HPGDS: variants seen among roughly 807,000 people sequenced by gnomAD.
The protein encoded by HPGDS is hematopoietic prostaglandin D synthase.
HPGDS carries 26 observed loss-of-function variants against 23.1 expected under a neutral mutation model. That is an observed-to-expected ratio of 1.13 (90% CI 0.83 to 1.56). HPGDS has a LOEUF of 1.56. Ranked by LOEUF, HPGDS falls within the 40% of genes most tolerant of loss-of-function variation. HPGDS has a pLI of 0.00. For missense variants in HPGDS, 268 were observed against 236.4 expected, an observed-to-expected ratio of 1.13 and a Z score of -0.88; for synonymous variants, 95 against 77.9, an observed-to-expected ratio of 1.22 and a Z score of -1.16.
intron 1 of HPGDS, among the ~76,000 whole-genome samples, chr4:94,335,652 A>G (rs115615750): frequency 6.6e-6 from 1 of 152,304 alleles, no homozygotes; most frequent in Non-Finnish European, 1.5e-5. Flanking sequence ...CACAATGGCA[A>G]ACTTAATCAT....
At chr4:94,322,599 G>A (rs1034684674) in intron 2 of HPGDS, among the ~76,000 whole-genome samples, 20 of 151,510 alleles carry the variant, frequency 1.3e-4, no homozygotes, top group Non-Finnish European at 2.5e-4. Flanking sequence ...CTGTGGGATC[G>A]GTGGTGATAT....
intron 5 of HPGDS, among the ~76,000 whole-genome samples, chr4:94,300,554 G>A (rs1756020090): frequency 6.6e-6 from 1 of 152,148 alleles, no homozygotes; most frequent in Admixed American, 6.5e-5. Context: ...CTACTGGCTG[G>A]AAGACTCAGA....
In HPGDS at chr4:94,301,278, T is replaced by C. The variant is rs546449399; in HGVS notation, c.435+868A>G. On this transcript the variant is annotated intron_variant, in intron 5 of 5. Coordinates refer to ENST00000295256, the MANE Select transcript of HPGDS (RefSeq NM_014485.3). ...CCACCTACCACAACTTGTAATCAGGTTTAGATTTGAATTTTTTGGCAAGAC... is the reference window on the plus strand; with the variant it reads ...CCACCTACCACAACTTGTAATCAGGCTTAGATTTGAATTTTTTGGCAAGAC... Among the ~76,000 whole-genome samples the C allele has an allele frequency of 5.1e-4, 77 of 152,238 alleles. 1 individual carries two copies. The highest frequency in any genetic ancestry group is 1.8e-3 in the African/African-American group (73 of 41,540).
At chr4:94,318,876 A>G (rs374213460) in intron 2 of HPGDS, among the ~76,000 whole-genome samples, 7 of 152,144 alleles carry the variant, frequency 4.6e-5, no homozygotes, top group African/African-American at 1.7e-4. Flanking sequence ...CCACACCCAG[A>G]TAAGTTTTGT....
chr4:94,323,528 ATC>A (rs1756561361), intron 2 of HPGDS, among the ~76,000 whole-genome samples: 1 of 151,894 alleles, frequency 6.6e-6, no homozygotes, highest in Non-Finnish European at 1.5e-5. Flanking sequence ...GGCCTTCTTT[ATC>A]TCTTTTGATT....
At chr4:94,315,793 T>C (rs1756385270) in intron 3 of HPGDS, among the ~76,000 whole-genome samples, 1 of 152,260 alleles carries the variant, frequency 6.6e-6, no homozygotes, top group African/African-American at 2.4e-5. Flanking sequence ...TATTCGTCTT[T>C]CTGACCTTGA....
At chr4:94,317,793 A>G (rs1756426510) in intron 3 of HPGDS, 80 bp downstream of exon 3, 2 of 814,684 alleles carry the variant, frequency 2.5e-6, no homozygotes, top group South Asian at 1.6e-5. Flanking sequence ...ATGCTATGCT[A>G]AAGTCATTTA....
intron 1 of HPGDS, among the ~76,000 whole-genome samples, chr4:94,339,534 A>G (rs724260): frequency 0.55 from 83,936 of 152,056 alleles, 23,796 homozygotes; most frequent in Non-Finnish European, 0.62. Context: ...ACCCTGGATA[A>G]AAACTTAGAC....
chr4:94,332,968 G>C (rs1005873195), intron 2 of HPGDS, among the ~76,000 whole-genome samples: 1 of 152,074 alleles, frequency 6.6e-6, no homozygotes, highest in Non-Finnish European at 1.5e-5. Flanking sequence ...AAGTACTTCA[G>C]TGTTATTAAA....
At chr4:94,319,130 G>A (rs1756453745) in intron 2 of HPGDS, among the ~76,000 whole-genome samples, 1 of 152,172 alleles carries the variant, frequency 6.6e-6, no homozygotes, top group African/African-American at 2.4e-5. Context: ...TGACAGGGAA[G>A]TGTTGACATC....
chr4:94,331,999 T>C (rs1184706022), intron 2 of HPGDS, among the ~76,000 whole-genome samples: 1 of 152,098 alleles, frequency 6.6e-6, no homozygotes. Flanking sequence ...AATAATGCTT[T>C]TTTACCAATT....
intron 2 of HPGDS, among the ~76,000 whole-genome samples, chr4:94,333,224 C>T (rs1756763765): frequency 6.6e-6 from 1 of 152,148 alleles, no homozygotes; most frequent in African/African-American, 2.4e-5. Context: ...CCTGTTCTTT[C>T]CTTTCTTCTT....
Position 94,299,660 on chromosome 4 carries a change from C to G in HPGDS, c.436-16G>C. On this transcript the variant is annotated splice_polypyrimidine_tract_variant and intron_variant, in intron 5 of 5. Transcript: ENST00000295256. Reference sequence around the variant, plus strand: ...CCCAAGTTACCTAGTTTAAAGGAAACAAACTTTTCATTTGAACATAGAAAG... The same window carrying G: ...CCCAAGTTACCTAGTTTAAAGGAAAGAAACTTTTCATTTGAACATAGAAAG... 2 of 1,604,432 alleles carry G rather than the reference C, an allele frequency of 1.2e-6. No individual in the cohort carries two copies. The highest frequency in any genetic ancestry group is 8.5e-7 in the Non-Finnish European group (1 of 1,173,800).
chr4:94,337,942 G>A (rs1291967114), intron 1 of HPGDS, among the ~76,000 whole-genome samples: 1 of 152,150 alleles, frequency 6.6e-6, no homozygotes, highest in African/African-American at 2.4e-5. Flanking sequence ...TTTGGCAGAG[G>A]CCCAATAGCA....
chr4:94,334,474 C>T (rs1756787977), intron 2 of HPGDS, 23 bp downstream of exon 2: 3 of 1,549,838 alleles, frequency 1.9e-6, no homozygotes, highest in African/African-American at 1.4e-5. Context: ...ATTTTTCCTA[C>T]ATTTATTATT....
At chr4:94,305,898 G>T (rs930179731) in intron 4 of HPGDS, among the ~76,000 whole-genome samples, 4 of 152,162 alleles carry the variant, frequency 2.6e-5, no homozygotes, top group African/African-American at 4.8e-5. Flanking sequence ...TCAGTTCACA[G>T]TTCTGTCAGT....
intron 2 of HPGDS, among the ~76,000 whole-genome samples, chr4:94,327,967 G>A (rs570311635): frequency 6.6e-6 from 1 of 152,192 alleles, no homozygotes; most frequent in Admixed American, 6.5e-5. Flanking sequence ...GTCTCAGGGG[G>A]TGTGTAGGAC....
Position 94,299,256 on chromosome 4 carries a change from A to G in HPGDS, c.*224T>C, listed in dbSNP as rs1755983737. Reference sequence around the variant, plus strand: ...GCAAGGTCTGCCTGTATTACATACTATTTTTCTGTAATTGTAAATGATGAG... The same window carrying G: ...GCAAGGTCTGCCTGTATTACATACTGTTTTTCTGTAATTGTAAATGATGAG... On this transcript the variant is annotated 3_prime_UTR_variant, in exon 6 of 6. Transcript: ENST00000295256. 1.3e-5 allele frequency: 6 copies of G among 457,012 alleles called. No homozygotes were observed. In the South Asian group the frequency reaches 2.8e-4, roughly 22 times the overall value. The allele number at this position is 457,012 out of a possible 1,614,324, so 28.3% of individuals were successfully genotyped here.
Position 94,299,095 on chromosome 4 carries a change from G to A in HPGDS, c.*385C>T, listed in dbSNP as rs906660158. 5.8e-6 allele frequency: 1 copy of A among 171,494 alleles called. No individual in the cohort carries two copies. Among genetic ancestry groups the A allele is most frequent in the Admixed American group, 5.7e-5 (1 of 17,680 alleles). The allele number at this position is 171,494 out of a possible 1,614,324, so 10.6% of individuals were successfully genotyped here. On this transcript the variant is annotated 3_prime_UTR_variant, in exon 6 of 6. Transcript: ENST00000295256. ...TACACAGCGATATGTGAACTGGAGA[G>A]CTACTAGCAAAGTTTGTGTTTTATG... is the stretch of plus-strand genomic sequence containing the variant.
Sources: gnomAD v4.1 joint callset for allele counts (sites outside exome capture counted in the v4.1 genomes callset) on GRCh38, gnomAD v4.1.1 for gene constraint, MANE v1.5 for transcripts, NCBI Gene and HGNC (gene_info 2026-07-23, HGNC 2026-07-21) for gene names.